The following ACOT13 variants were observed in gnomAD, a reference collection of about 807,000 sequenced individuals.
ACOT13 encodes the protein acyl-CoA thioesterase 13, also known as acyl-coenzyme A thioesterase 13.
In ACOT13, 10 loss-of-function variants were observed where a neutral mutation model predicts 11.8. The observed-to-expected ratio is 0.85, with a 90% CI of 0.53 to 1.44. ACOT13 has a LOEUF of 1.44. ACOT13 is among the 40% of genes most tolerant of loss of function. ACOT13 has a pLI of 0.00. For missense variants in ACOT13, 172 were observed against 174.1 expected (o/e 0.99, Z 0.07); for synonymous variants, 53 against 61.0 (o/e 0.87, Z 0.61).
rs976885661 is a variant in ACOT13, at chr6:24,702,104, G to A, written c.*489G>A. Reference sequence around the variant, plus strand: ...TCTCACTGTGTGGTGGAAGGGGCAAGTGAGCCCTCTGGGTTCTCGTTTTTG... The same window carrying A: ...TCTCACTGTGTGGTGGAAGGGGCAAATGAGCCCTCTGGGTTCTCGTTTTTG... On this transcript the variant is annotated 3_prime_UTR_variant, in exon 3 of 3. Transcript: ENST00000230048. 6.6e-6 allele frequency: 1 copy of A among 152,622 alleles called. No homozygotes were observed. The highest frequency in any genetic ancestry group is 1.5e-5 in the Non-Finnish European group (1 of 68,418). 9.5% of individuals were successfully genotyped at this position (152,622 alleles called of 1,614,324 possible). A position where few individuals can be genotyped will look rare whatever the true frequency, so the allele number is the denominator to read the frequency against.
At chr6:24,693,698 G>A (rs1046851696) in intron 1 of ACOT13, among the ~76,000 whole-genome samples, 2 of 151,896 alleles carry the variant, frequency 1.3e-5, no homozygotes, top group East Asian at 3.9e-4. Flanking sequence ...ATGGGAGAGG[G>A]AGGGTGAGGG....
intron 1 of ACOT13, among the ~76,000 whole-genome samples, chr6:24,691,088 T>C (rs1778712247): frequency 6.6e-6 from 1 of 152,258 alleles, no homozygotes; most frequent in South Asian, 2.1e-4. Flanking sequence ...AAGGGAACTT[T>C]AGTGCCTAGT....
Position 24,675,092 on chromosome 6 carries a change from T to C in ACOT13, c.81+7748T>C, listed in dbSNP as rs564169220. Among the ~76,000 whole-genome samples, 6 of 152,268 alleles carry C rather than the reference T, an allele frequency of 3.9e-5. No individual in the cohort carries two copies. In the South Asian group the frequency reaches 1.2e-3, roughly 32 times the overall value. Reference sequence around the variant, plus strand: ...TTTTTTATGGCTGCATAGTATTCCATGGTATATATGTGCCACATTTTCTTA... The same window carrying C: ...TTTTTTATGGCTGCATAGTATTCCACGGTATATATGTGCCACATTTTCTTA... On this transcript the variant is annotated intron_variant, in intron 1 of 2. Transcript: ENST00000230048.
intron 1 of ACOT13, among the ~76,000 whole-genome samples, chr6:24,685,621 C>G (rs1006728035): frequency 1.2e-4 from 19 of 152,156 alleles, no homozygotes; most frequent in African/African-American, 4.6e-4. Context: ...GCTGGGATTA[C>G]AGGCGTAAGC....
intron 1 of ACOT13, among the ~76,000 whole-genome samples, chr6:24,676,156 G>A (rs1355015504): frequency 1.1e-4 from 17 of 152,270 alleles, no homozygotes; most frequent in African/African-American, 1.9e-4. Flanking sequence ...GTCAGGTAGC[G>A]TGATGCCTCT....
At chr6:24,689,703 T>A (rs757678867) in intron 1 of ACOT13, among the ~76,000 whole-genome samples, 17 of 152,136 alleles carry the variant, frequency 1.1e-4, no homozygotes, top group Non-Finnish European at 1.6e-4. Flanking sequence ...TCTATGCTGC[T>A]TTATATATGT....
In ACOT13 at chr6:24,704,690, A is replaced by T. The variant is rs1778964181; in HGVS notation, c.*3075A>T. Reference sequence around the variant, plus strand: ...AAGCAAGGCATAAGGCCAGGTTGCTAACTGTTGAAAGCTGACAGTATGTTC... The same window carrying T: ...AAGCAAGGCATAAGGCCAGGTTGCTTACTGTTGAAAGCTGACAGTATGTTC... On this transcript the variant is annotated 3_prime_UTR_variant, in exon 3 of 3. Coordinates refer to ENST00000230048, the MANE Select transcript of ACOT13 (RefSeq NM_018473.4). 6.6e-6 allele frequency: 1 copy of T among 152,244 alleles called. No individual in the cohort carries two copies. Among genetic ancestry groups the T allele is most frequent in the South Asian group, 2.1e-4 (1 of 4,838 alleles). The allele number at this position is 152,244 out of a possible 1,614,324, so 9.4% of individuals were successfully genotyped here. A position where few individuals can be genotyped will look rare whatever the true frequency, so the allele number is the denominator to read the frequency against.
chr6:24,699,270 T>C (rs891752862), intron 2 of ACOT13, among the ~76,000 whole-genome samples: 5 of 146,454 alleles, frequency 3.4e-5, no homozygotes, highest in Non-Finnish European at 7.4e-5. Flanking sequence ...AGTGCAGTGG[T>C]GCAGTCTCGG....
At chr6:24,694,106 C>A (rs1471437248) in intron 1 of ACOT13, among the ~76,000 whole-genome samples, 1 of 152,124 alleles carries the variant, frequency 6.6e-6, no homozygotes, top group Non-Finnish European at 1.5e-5. Context: ...TGTGTGTGTA[C>A]ATGTAAGAAT....
intron 1 of ACOT13, among the ~76,000 whole-genome samples, chr6:24,681,818 G>C (rs1778556630): frequency 6.6e-6 from 1 of 152,174 alleles, no homozygotes; most frequent in African/African-American, 2.4e-5. Flanking sequence ...TAGGAGGCAG[G>C]GATCAGAGGA....
Position 24,701,566 on chromosome 6 carries a change from C to G in ACOT13, c.374C>G (p.Thr125Arg). The G allele has an allele frequency of 6.2e-7, 1 of 1,613,664 alleles. No homozygotes were observed. The highest frequency in any genetic ancestry group is 8.5e-7 in the Non-Finnish European group (1 of 1,179,752). The change falls in exon 3 of 3, where the codon ACA becomes AGA. Residue 125 changes from threonine to arginine, a missense_variant. Physicochemically the swap from Thr to Arg is moderately conservative, Grantham distance 71 (BLOSUM62 -1). Coordinates refer to ENST00000230048, the MANE Select transcript of ACOT13 (RefSeq NM_018473.4). ...FTSVDLTNKA[T>R]GKLIAQGRHT... ...TCTGTGGATCTGACCAACAAGGCCA[C>G]AGGAAAATTAATAGCACAAGGAAGA...
intron 1 of ACOT13, among the ~76,000 whole-genome samples, chr6:24,688,383 T>TA (rs1283507352): frequency 2.6e-5 from 4 of 151,012 alleles, no homozygotes; most frequent in Non-Finnish European, 4.4e-5. Context: ...TACAAAAAAA[T>TA]AAAAAAATTA....
chr6:24,702,084 CTG>C lies in ACOT13; in HGVS notation c.*474_*475del, dbSNP rs1310113383. 1 of 152,886 alleles carries C rather than the reference CTG, an allele frequency of 6.5e-6. No individual in the cohort carries two copies. Among genetic ancestry groups the C allele is most frequent in the African/African-American group, 2.4e-5 (1 of 41,442 alleles). 9.5% of individuals were successfully genotyped at this position (152,886 alleles called of 1,614,324 possible). A position where few individuals can be genotyped will look rare whatever the true frequency, so the allele number is the denominator to read the frequency against. On this transcript the variant is annotated 3_prime_UTR_variant, in exon 3 of 3. Coordinates refer to ENST00000230048, the MANE Select transcript of ACOT13 (RefSeq NM_018473.4). The stretch of plus-strand genomic sequence containing the variant: ...CTGGCTCATAGATGGTGCCTTCTCA[CTG>C]TGTGGTGGAAGGGGCAAGTGAGCCC...
At chr6:24,672,123 AC>A (rs1321319315) in intron 1 of ACOT13, among the ~76,000 whole-genome samples, 1 of 152,232 alleles carries the variant, frequency 6.6e-6, no homozygotes, top group African/African-American at 2.4e-5. Context: ...AATGTTTAAA[AC>A]ACCTGATATC....
At chr6:24,687,440 T>G (rs1778649607) in intron 1 of ACOT13, 1 of 1,231,050 alleles carries the variant, frequency 8.1e-7, no homozygotes, top group African/African-American at 1.6e-5. Flanking sequence ...GAATATCAAC[T>G]GACACGCACT....
chr6:24,688,480 C>T (rs1375228965), intron 1 of ACOT13, among the ~76,000 whole-genome samples: 1 of 146,772 alleles, frequency 6.8e-6, no homozygotes, highest in Non-Finnish European at 1.5e-5. Context: ...GTCGAGGCTG[C>T]AGTGAGCTAT....
At position 24,667,858 on chromosome 6, in the gene ACOT13, C is replaced by CT. The variant is rs1480971764; in HGVS notation, c.81+515dup. 3.9e-5 allele frequency among the ~76,000 whole-genome samples: 6 copies of CT among 152,338 alleles called. No individual in the cohort carries two copies. The East Asian group carries it at 1.2e-3, about 29-fold the overall frequency. Reference sequence around the variant, plus strand: ...AAGTAAGTTAGCCCTTGGAGGAAGACTGAGTGCTTTTCTGAGACCAGCACT... The same window carrying CT: ...AAGTAAGTTAGCCCTTGGAGGAAGACTTGAGTGCTTTTCTGAGACCAGCACT... On this transcript the variant is annotated intron_variant, in intron 1 of 2. Transcript: ENST00000230048.
At chr6:24,701,111 C>T (rs917832300) in intron 2 of ACOT13, 2 of 169,218 alleles carry the variant, frequency 1.2e-5, no homozygotes, top group African/African-American at 4.8e-5. Flanking sequence ...TATACAGACA[C>T]CAAGTGATAT....
intron 1 of ACOT13, among the ~76,000 whole-genome samples, chr6:24,695,907 AATT>A (rs1371633081): frequency 6.6e-6 from 1 of 152,138 alleles, no homozygotes; most frequent in Non-Finnish European, 1.5e-5. Flanking sequence ...AAAATACAAA[AATT>A]AGCTGGGTGT....
Sources: allele counts gnomAD v4.1 joint callset (sites outside exome capture counted in the v4.1 genomes callset), GRCh38; gene constraint gnomAD v4.1.1; transcripts MANE v1.5; gene names NCBI Gene and HGNC (gene_info 2026-07-23, HGNC 2026-07-21).